Variants in PRKN observed in about 807,000 individuals in gnomAD.
PRKN encodes the protein parkin RBR E3 ubiquitin protein ligase, also known as E3 ubiquitin-protein ligase parkin.
PRKN carries 56 observed loss-of-function variants against 59.5 expected under a neutral mutation model. The ratio of observed to expected loss-of-function variants is 0.94; its 90% confidence interval spans 0.76 to 1.18. The LOEUF (loss-of-function observed/expected upper bound fraction) is 1.18. Ranked by LOEUF, PRKN falls within the 50% of genes most tolerant of loss-of-function variation. PRKN has a pLI of 0.00. For synonymous variants in PRKN, 250 were observed against 222.1 expected (o/e 1.13, Z -1.12); for missense variants, 657 against 596.4 (o/e 1.10, Z -1.06).
intron 1 of PRKN, among the ~76,000 whole-genome samples, chr6:162,490,835 A>C (rs1374873707): frequency 6.6e-6 from 1 of 152,176 alleles, no homozygotes; most frequent in Non-Finnish European, 1.5e-5. Flanking sequence ...TGAGCCCTTC[A>C]AAAGGACGGC....
At chr6:161,946,410 ACACACTCTCTCT>A (rs1386389747) in intron 6 of PRKN, among the ~76,000 whole-genome samples, 7 of 95,202 alleles carry the variant, frequency 7.4e-5, no homozygotes, top group African/African-American at 1.4e-4. Flanking sequence ...ACACACACAC[ACACACTCTCTCT>A]CTCTCTCTCT....
At chr6:161,491,936 A>T (rs1011570919) in intron 9 of PRKN, among the ~76,000 whole-genome samples, 1 of 152,166 alleles carries the variant, frequency 6.6e-6, no homozygotes, top group Admixed American at 6.5e-5. Flanking sequence ...CCGGCCTATG[A>T]CTTAACTTCT....
chr6:161,944,267 T>C (rs1329720611), intron 6 of PRKN, among the ~76,000 whole-genome samples: 1 of 152,192 alleles, frequency 6.6e-6, no homozygotes, highest in Non-Finnish European at 1.5e-5. Context: ...TCCCTGAAAC[T>C]CTGCAATGGG....
chr6:162,452,476 G>A (rs558820473), intron 1 of PRKN, among the ~76,000 whole-genome samples: 4 of 149,476 alleles, frequency 2.7e-5, no homozygotes, highest in Non-Finnish European at 5.9e-5. Flanking sequence ...AATAGGTGCG[G>A]GGTAAATATG....
chr6:162,355,921 G>C (rs1030155038), intron 2 of PRKN, among the ~76,000 whole-genome samples: 3 of 152,090 alleles, frequency 2.0e-5, no homozygotes, highest in Non-Finnish European at 2.9e-5. Context: ...TAAGAGCAAA[G>C]ATCAACTCAT....
chr6:162,469,458 C>T (rs1164407574), intron 1 of PRKN, among the ~76,000 whole-genome samples: 2 of 151,258 alleles, frequency 1.3e-5, no homozygotes, highest in African/African-American at 4.9e-5. Context: ...GCCCAAATGC[C>T]CATCAATCAA....
intron 1 of PRKN, among the ~76,000 whole-genome samples, chr6:162,663,162 C>T (rs1240251365): frequency 6.6e-6 from 1 of 152,142 alleles, no homozygotes; most frequent in African/African-American, 2.4e-5. Context: ...TAGCAGAAAG[C>T]CTTTTATATA....
At chr6:162,020,351 A>AT in intron 5 of PRKN, among the ~76,000 whole-genome samples, 1 of 149,496 alleles carries the variant, frequency 6.7e-6, no homozygotes, top group East Asian at 1.9e-4. Flanking sequence ...AAAAAAAAAA[A>AT]AAAAAAACAG....
intron 2 of PRKN, among the ~76,000 whole-genome samples, chr6:162,380,386 A>C (rs1786365676): frequency 6.8e-6 from 1 of 146,544 alleles, no homozygotes; most frequent in South Asian, 2.1e-4. Flanking sequence ...TACCTGGATA[A>C]TAGTTTAAAG....
At chr6:161,897,130 G>T (rs903124400) in intron 6 of PRKN, among the ~76,000 whole-genome samples, 2 of 152,172 alleles carry the variant, frequency 1.3e-5, no homozygotes, top group African/African-American at 2.4e-5. Flanking sequence ...CTAAACAGCC[G>T]ATAGCTGAGC....
intron 3 of PRKN, among the ~76,000 whole-genome samples, chr6:162,220,113 G>A (rs1268102047): frequency 6.6e-6 from 1 of 151,928 alleles, no homozygotes; most frequent in East Asian, 1.9e-4. Flanking sequence ...ATCCATCTTG[G>A]AGTTCATTTT....
intron 9 of PRKN, among the ~76,000 whole-genome samples, chr6:161,424,290 T>A (rs1164496934): frequency 7.0e-6 from 1 of 141,850 alleles, no homozygotes; most frequent in Non-Finnish European, 1.5e-5. Flanking sequence ...TGAGCCGAGA[T>A]CATACCACTG....
intron 7 of PRKN, among the ~76,000 whole-genome samples, chr6:161,720,266 A>G (rs959593539): frequency 4.6e-5 from 7 of 152,222 alleles, no homozygotes; most frequent in Non-Finnish European, 8.8e-5. Flanking sequence ...CCCACCAGGT[A>G]TGACGTGAAG....
intron 7 of PRKN, among the ~76,000 whole-genome samples, chr6:161,699,684 A>G (rs1421667733): frequency 6.6e-6 from 1 of 152,122 alleles, no homozygotes; most frequent in East Asian, 1.9e-4. Context: ...CATTGACAAC[A>G]AGCACAGTGG....
At chr6:162,324,033 A>G (rs1783156211) in intron 2 of PRKN, among the ~76,000 whole-genome samples, 1 of 152,120 alleles carries the variant, frequency 6.6e-6, no homozygotes. Context: ...TGGTAAGTCT[A>G]CACACCTGTA....
chr6:161,679,511 G>A (rs1785220163), intron 7 of PRKN, among the ~76,000 whole-genome samples: 1 of 150,490 alleles, frequency 6.6e-6, no homozygotes, highest in Non-Finnish European at 1.5e-5. Context: ...GCCTCGGAAG[G>A]TACTTCCCGC....
intron 3 of PRKN, among the ~76,000 whole-genome samples, chr6:162,250,118 C>T (rs1284290995): frequency 6.6e-6 from 1 of 151,558 alleles, no homozygotes; most frequent in South Asian, 2.1e-4. Flanking sequence ...AGGACTCCAG[C>T]CTGGGTTACA....
At chr6:161,659,146 G>A (rs1028861717) in intron 7 of PRKN, among the ~76,000 whole-genome samples, 3 of 152,176 alleles carry the variant, frequency 2.0e-5, no homozygotes, top group Non-Finnish European at 4.4e-5. Flanking sequence ...TCTCAGTTAG[G>A]TATAGAAGAT....
chr6:162,479,892 T>C (rs925176433), intron 1 of PRKN, among the ~76,000 whole-genome samples: 1 of 151,674 alleles, frequency 6.6e-6, no homozygotes, highest in Admixed American at 6.6e-5. Context: ...TAGTGAAACC[T>C]CGTCTCTACT....
Sources: gnomAD v4.1 joint callset for allele counts (sites outside exome capture counted in the v4.1 genomes callset) on GRCh38, gnomAD v4.1.1 for gene constraint, MANE v1.5 for transcripts, NCBI Gene and HGNC (gene_info 2026-07-23, HGNC 2026-07-21) for gene names.